Variants in SHISA9 observed in about 807,000 individuals in gnomAD.
The protein encoded by SHISA9 is shisa family member 9.
Under a neutral mutation model 38.0 loss-of-function variants are expected in SHISA9, and 13 were observed. That is an observed-to-expected ratio of 0.34 (90% confidence interval 0.22 to 0.54). The LOEUF (loss-of-function observed/expected upper bound fraction) is 0.54. Among genes scored for constraint, SHISA9 ranks in the 20% least tolerant of loss-of-function variants. The pLI, the probability that SHISA9 is intolerant of heterozygous loss-of-function variation, is 0.91. For synonymous variants in SHISA9, 275 were observed against 242.0 expected (o/e 1.14, Z -1.27); for missense variants, 538 against 575.8 (o/e 0.93, Z 0.67).
chr16:13,106,465 G>A (rs2073926318), intron 2 of SHISA9, among the ~76,000 whole-genome samples: 1 of 152,166 alleles, frequency 6.6e-6, no homozygotes, highest in Non-Finnish European at 1.5e-5. Flanking sequence ...CCCAGGGTGT[G>A]TGTGAAGATT....
intron 1 of SHISA9, chr16:12,910,372 G>A (rs2071166091): frequency 1.6e-6 from 1 of 639,256 alleles, no homozygotes; most frequent in African/African-American, 2.0e-5. Context: ...CCAACACTGT[G>A]CTGAGAGATA....
chr16:13,302,173 T>C, the SHISA9 span, among the ~76,000 whole-genome samples: 1 of 152,126 alleles, frequency 6.6e-6, no homozygotes, highest in South Asian at 2.1e-4. Context: ...AAAGGGAAAC[T>C]TGGAAAGCCA....
intron 2 of SHISA9, among the ~76,000 whole-genome samples, chr16:13,044,582 G>A (rs1263101537): frequency 2.6e-5 from 4 of 152,190 alleles, no homozygotes; most frequent in Admixed American, 6.5e-5. Context: ...ATCTTCAACA[G>A]AAGGTTTGTT....
chr16:13,306,226 C>T, the SHISA9 span, among the ~76,000 whole-genome samples: 1 of 152,100 alleles, frequency 6.6e-6, no homozygotes, highest in Non-Finnish European at 1.5e-5. Flanking sequence ...AATTTGGCAA[C>T]CAATCTGCAG....
chr16:13,489,231 G>A, the SHISA9 span, among the ~76,000 whole-genome samples: 1 of 152,006 alleles, frequency 6.6e-6, no homozygotes, highest in Non-Finnish European at 1.5e-5. Flanking sequence ...TGTATTTTTA[G>A]TTGAAGCAGG....
At chr16:12,927,621 C>T (rs997092491) in intron 2 of SHISA9, among the ~76,000 whole-genome samples, 83 of 151,008 alleles carry the variant, frequency 5.5e-4, no homozygotes, top group African/African-American at 2.0e-3. Context: ...GTTGCCCAGA[C>T]TGAGCTCGAG....
chr16:12,918,824 C>CG (rs34034184), intron 2 of SHISA9, among the ~76,000 whole-genome samples: 39,034 of 151,924 alleles, frequency 0.26, 5,400 homozygotes, highest in Non-Finnish European at 0.31. Context: ...CAAGAATTGC[C>CG]CAGATATTAA....
rs572428770 is a variant in SHISA9 at position 13,210,482 on chromosome 16, A to G, written c.848-2771A>G. 3.9e-5 allele frequency among the ~76,000 whole-genome samples: 6 copies of G among 152,354 alleles called. No homozygotes were observed. The South Asian group carries it at 8.3e-4, about 21-fold the overall frequency. On this transcript the variant is annotated intron_variant, in intron 3 of 4. Coordinates refer to ENST00000558583, the MANE Select transcript of SHISA9 (RefSeq NM_001145204.3). ...AATTGTCTGTGTTGCTATTTGACAG[A>G]TGATTGACATTTTGCCAGAATCACA...
intron 2 of SHISA9, among the ~76,000 whole-genome samples, chr16:13,183,821 G>T (rs937740383): frequency 5.9e-5 from 9 of 152,076 alleles, no homozygotes; most frequent in African/African-American, 2.2e-4. Flanking sequence ...TTCCACTTTT[G>T]AGTTTATCTT....
At chr16:13,458,014 A>G in the SHISA9 span, among the ~76,000 whole-genome samples, 3 of 148,554 alleles carry the variant, frequency 2.0e-5, no homozygotes, top group Non-Finnish European at 3.0e-5. Context: ...AATTATCTCA[A>G]TGACAATGTC....
chr16:13,388,452 C>T, the SHISA9 span, among the ~76,000 whole-genome samples: 1 of 151,948 alleles, frequency 6.6e-6, no homozygotes, highest in Non-Finnish European at 1.5e-5. Context: ...GCTGGGACTA[C>T]AGGCATCCAC....
chr16:13,325,102 G>A, the SHISA9 span, among the ~76,000 whole-genome samples: 1 of 152,180 alleles, frequency 6.6e-6, no homozygotes, highest in African/African-American at 2.4e-5. Flanking sequence ...TCCCTTATCA[G>A]TACTTAAAAT....
intron 2 of SHISA9, among the ~76,000 whole-genome samples, chr16:12,922,390 G>A (rs931477843): frequency 2.0e-4 from 31 of 152,224 alleles, no homozygotes; most frequent in African/African-American, 7.2e-4. Context: ...CATGCCTACA[G>A]CACACTGCTC....
chr16:13,491,863 A>G, the SHISA9 span, among the ~76,000 whole-genome samples: 1 of 53,714 alleles, frequency 1.9e-5, no homozygotes, highest in Non-Finnish European at 3.2e-5. Flanking sequence ...TTTTTTAGAG[A>G]TAGGGGTCTC....
intron 2 of SHISA9, among the ~76,000 whole-genome samples, chr16:12,989,612 C>G (rs981766011): frequency 6.6e-6 from 1 of 152,018 alleles, no homozygotes; most frequent in Non-Finnish European, 1.5e-5. Flanking sequence ...CTGTTTTTTT[C>G]TAAGAATGTA....
chr16:12,933,732 T>C (rs2141746669), intron 2 of SHISA9, among the ~76,000 whole-genome samples: 1 of 152,340 alleles, frequency 6.6e-6, no homozygotes, highest in South Asian at 2.1e-4. Context: ...ATCCTTTATC[T>C]AGAGAATGAC....
chr16:13,085,839 C>A (rs879604599), intron 2 of SHISA9, among the ~76,000 whole-genome samples: 3 of 152,108 alleles, frequency 2.0e-5, no homozygotes. Flanking sequence ...GGTAATTAGG[C>A]ATCTCACATG....
At chr16:13,489,812 A>T in the SHISA9 span, among the ~76,000 whole-genome samples, 5 of 152,220 alleles carry the variant, frequency 3.3e-5, no homozygotes, top group Non-Finnish European at 4.4e-5. Flanking sequence ...TCTTCATTAC[A>T]TAAATGGGGA....
the SHISA9 span, among the ~76,000 whole-genome samples, chr16:13,408,420 C>T: frequency 2.6e-5 from 4 of 152,068 alleles, no homozygotes; most frequent in Non-Finnish European, 5.9e-5. Context: ...AAAATAAACA[C>T]CTTATCCTTT....
Sources: gnomAD v4.1 joint callset for allele counts (sites outside exome capture counted in the v4.1 genomes callset) on GRCh38, gnomAD v4.1.1 for gene constraint, MANE v1.5 for transcripts, NCBI Gene and HGNC (gene_info 2026-07-23, HGNC 2026-07-21) for gene names.